Variants in UST observed in about 807,000 individuals in gnomAD.
UST encodes uronyl 2-sulfotransferase.
A neutral mutation model predicts 45.6 loss-of-function variants in UST; 21 were observed. The ratio of observed to expected loss-of-function variants is 0.46; its 90% CI spans 0.33 to 0.66. UST has a LOEUF of 0.66. Ranked by LOEUF, UST falls within the 30% of genes least tolerant of loss-of-function variation. UST has a pLI of 0.02. For missense variants in UST, 463 were observed against 512.4 expected (o/e 0.90, Z 0.93); for synonymous variants, 215 against 200.6 (o/e 1.07, Z -0.61).
chr6:148,814,884 CT>C (rs1430017887), intron 1 of UST, among the ~76,000 whole-genome samples: 1 of 152,084 alleles, frequency 6.6e-6, no homozygotes, highest in Non-Finnish European at 1.5e-5. Context: ...TGGAGACCCC[CT>C]ATATGTGCAA....
intron 7 of UST, among the ~76,000 whole-genome samples, chr6:149,039,642 T>C (rs769192825): frequency 6.6e-6 from 1 of 152,164 alleles, no homozygotes; most frequent in African/African-American, 2.4e-5. Flanking sequence ...TCTGTCTGGC[T>C]CCAAACCCTG....
chr6:149,023,145 T>TGTG (rs1554235327), intron 7 of UST, among the ~76,000 whole-genome samples: 1 of 110,752 alleles, frequency 9.0e-6, no homozygotes, highest in Non-Finnish European at 1.9e-5. Flanking sequence ...TGTGTGTGTG[T>TGTG]GTGTGGTGTG....
At chr6:149,045,536 A>AGT (rs1430158191) in intron 7 of UST, among the ~76,000 whole-genome samples, 2 of 152,260 alleles carry the variant, frequency 1.3e-5, no homozygotes, top group African/African-American at 4.8e-5. Context: ...CTCACCAGGA[A>AGT]GTGTGTGTGG....
chr6:148,984,090 T>G lies in UST; in HGVS notation c.681+19527T>G, dbSNP rs546142912. ...AGGAACCTACCCATCTGCAACTGAT[T>G]ATTATATACATCATGTGCATAAATG... is the stretch of plus-strand genomic sequence containing the variant. On this transcript the variant is annotated intron_variant, in intron 5 of 7. Coordinates refer to ENST00000367463, the MANE Select transcript of UST (RefSeq NM_005715.3). Among the ~76,000 whole-genome samples the G allele has an allele frequency of 5.9e-5, 9 of 152,368 alleles. No homozygotes were observed. The South Asian group carries it at 1.9e-3, about 32-fold the overall frequency.
rs1776852313 is a variant in UST, at chr6:149,073,816, C to T, written c.938-17C>T. ...ACTGCAAATGATGGCTCATGTGCGA[C>T]CCCGGTTCTCTTCCAGAGCACAGGA... On this transcript the variant is annotated splice_polypyrimidine_tract_variant and intron_variant, in intron 7 of 7. Transcript: ENST00000367463. The T allele has an allele frequency of 1.9e-6, 3 of 1,609,320 alleles. No homozygotes were observed. The highest frequency in any genetic ancestry group is 4.5e-5 in the East Asian group (2 of 44,778).
chr6:148,883,957 C>A (rs1314167733), intron 1 of UST, among the ~76,000 whole-genome samples: 1 of 152,030 alleles, frequency 6.6e-6, no homozygotes, highest in African/African-American at 2.4e-5. Flanking sequence ...CATGGAGAAA[C>A]CCTGTCTCTA....
chr6:148,831,763 C>T (rs1353697841), intron 1 of UST, among the ~76,000 whole-genome samples: 1 of 151,986 alleles, frequency 6.6e-6, no homozygotes, highest in African/African-American at 2.4e-5. Flanking sequence ...CCACTGCATT[C>T]CAGCCTGCAC....
chr6:148,851,286 C>T lies in UST; in HGVS notation c.248-35700C>T, dbSNP rs539393573. On this transcript the variant is annotated intron_variant, in intron 1 of 7. Transcript: ENST00000367463. ...TGTATAATATATTTGTATACACACA[C>T]ATATATATACGTACACATTTACTTA... Among the ~76,000 whole-genome samples the T allele has an allele frequency of 4.9e-3, 750 of 152,214 alleles. 10 individuals carry two copies. Among genetic ancestry groups the T allele is most frequent in the African/African-American group, 0.016 (680 of 41,530 alleles).
chr6:148,971,356 C>A (rs569500032), intron 5 of UST, among the ~76,000 whole-genome samples: 1 of 152,272 alleles, frequency 6.6e-6, no homozygotes, highest in African/African-American at 2.4e-5. Context: ...AAATGTTGAG[C>A]TAAAATGGAC....
At chr6:149,028,457 A>G (rs1213840099) in intron 7 of UST, among the ~76,000 whole-genome samples, 2 of 152,206 alleles carry the variant, frequency 1.3e-5, no homozygotes. Context: ...TCTCTTTGTA[A>G]CTTCTAGGTG....
At chr6:148,763,708 G>C (rs931730027) in intron 1 of UST, among the ~76,000 whole-genome samples, 1 of 152,080 alleles carries the variant, frequency 6.6e-6, no homozygotes, top group African/African-American at 2.4e-5. Context: ...TCATTCTTCT[G>C]CATATGGCTG....
rs12110456 is a variant in UST, at chr6:149,044,525, C to G, written c.937+23044C>G. Among the ~76,000 whole-genome samples the G allele has an allele frequency of 8.4e-3, 1,286 of 152,268 alleles. 22 individuals are homozygous for G. Among genetic ancestry groups the G allele is most frequent in the African/African-American group, 0.029 (1,225 of 41,540 alleles). ...ACCTCAAATGTAGTTCGCTGCCTTT[C>G]TACATTTTGCTTTTGAGGGGGATGA... is the stretch of plus-strand genomic sequence containing the variant. On this transcript the variant is annotated intron_variant, in intron 7 of 7. Transcript: ENST00000367463.
chr6:148,862,753 A>G (rs562339639), intron 1 of UST, among the ~76,000 whole-genome samples: 2 of 152,216 alleles, frequency 1.3e-5, no homozygotes, highest in East Asian at 1.9e-4. Context: ...TCCTTCACTT[A>G]TGAAGCTTAG....
At chr6:148,823,440 A>G (rs576065242) in intron 1 of UST, among the ~76,000 whole-genome samples, 3 of 152,346 alleles carry the variant, frequency 2.0e-5, no homozygotes, top group Admixed American at 6.5e-5. Flanking sequence ...TTGCCTCCAG[A>G]GAACAGTTGC....
intron 2 of UST, 97 bp from the exon 3 acceptor site, chr6:148,941,182 T>A: frequency 6.9e-7 from 1 of 1,447,314 alleles, no homozygotes; most frequent in Admixed American, 2.0e-5. Flanking sequence ...TCACTCAGAT[T>A]TATTATATGA....
At chr6:149,046,190 T>C (rs1339324000) in intron 7 of UST, among the ~76,000 whole-genome samples, 5 of 152,200 alleles carry the variant, frequency 3.3e-5, no homozygotes, top group African/African-American at 4.8e-5. Context: ...GTGAACAAAA[T>C]GTAAGCAAGA....
intron 3 of UST, among the ~76,000 whole-genome samples, chr6:148,953,511 G>A (rs918075451): frequency 2.6e-5 from 4 of 152,166 alleles, no homozygotes; most frequent in South Asian, 4.1e-4. Flanking sequence ...GGCCAGGCGC[G>A]GAGGCTCACG....
intron 1 of UST, among the ~76,000 whole-genome samples, chr6:148,852,820 C>T (rs1330151647): frequency 9.9e-5 from 15 of 152,204 alleles, no homozygotes; most frequent in Admixed American, 9.8e-4. Context: ...GCTTTCCTAT[C>T]TCCAAACCTC....
chr6:148,777,265 T>C (rs750707148), intron 1 of UST, among the ~76,000 whole-genome samples: 1 of 152,240 alleles, frequency 6.6e-6, no homozygotes, highest in Non-Finnish European at 1.5e-5. Context: ...TTTTCAGTTG[T>C]GTTCTACATA....
Sources: gnomAD v4.1 joint callset for allele counts (sites outside exome capture counted in the v4.1 genomes callset) on GRCh38, gnomAD v4.1.1 for gene constraint, MANE v1.5 for transcripts, NCBI Gene and HGNC (gene_info 2026-07-23, HGNC 2026-07-21) for gene names.